DAB1: variants seen among roughly 807,000 people sequenced by gnomAD.
The protein encoded by DAB1 is DAB adaptor protein 1.
Under a neutral mutation model 64.6 loss-of-function variants are expected in DAB1, and 15 were observed. That is an observed-to-expected ratio of 0.23 (90% CI 0.16 to 0.36). The LOEUF (loss-of-function observed/expected upper bound fraction) is 0.36. Among genes scored for constraint, DAB1 ranks in the 10% least tolerant of loss-of-function variants. DAB1 has a pLI of 1.00. For missense variants in DAB1, 596 were observed against 706.7 expected (o/e 0.84, Z 1.78); for synonymous variants, 235 against 251.9 (o/e 0.93, Z 0.64).
chr1:57,642,867 C>G (rs1044257131), intron 7 of DAB1, among the ~76,000 whole-genome samples: 3 of 152,160 alleles, frequency 2.0e-5, no homozygotes. Context: ...TATCTCTAGA[C>G]TTTCTCCATG....
intron 3 of DAB1, among the ~76,000 whole-genome samples, chr1:58,444,053 CTTG>C (rs1360455438): frequency 5.3e-5 from 8 of 152,302 alleles, no homozygotes; most frequent in South Asian, 2.1e-4. Context: ...TAATTGCTGA[CTTG>C]TTGTTATTAC....
chr1:58,523,382 A>T (rs1244850137), intron 2 of DAB1, among the ~76,000 whole-genome samples: 5 of 152,178 alleles, frequency 3.3e-5, no homozygotes, highest in Non-Finnish European at 7.3e-5. Context: ...TCAGTGGTGT[A>T]AACCTTACAG....
At chr1:58,248,376 T>G (rs982066030) in intron 4 of DAB1, among the ~76,000 whole-genome samples, 1 of 152,202 alleles carries the variant, frequency 6.6e-6, no homozygotes. Flanking sequence ...ATGTCAGCAC[T>G]GCAGGGGATT....
At chr1:57,836,812 A>G (rs1276122083) in intron 1 of DAB1, among the ~76,000 whole-genome samples, 4 of 152,134 alleles carry the variant, frequency 2.6e-5, no homozygotes, top group African/African-American at 9.7e-5. Flanking sequence ...TCTCCCTACT[A>G]AAAAAGAAAA....
In DAB1 at chr1:57,748,217, C is replaced by A. The variant is rs1392294434; in HGVS notation, n.552-98552G>T. ...CTGGGCAACATCAAAGACCTTGCCC[C>A]AATACTAAACTTTGGTGCAGGTACA... On this transcript the variant is annotated intron_variant and non_coding_transcript_variant, in intron 6 of 20. Transcript: ENST00000485760. 6.6e-5 allele frequency among the ~76,000 whole-genome samples: 10 copies of A among 152,200 alleles called. No individual in the cohort carries two copies. In the East Asian group the frequency reaches 1.7e-3, roughly 27 times the overall value.
chr1:57,426,489 GT>G (rs1160890419), upstream of DAB1, among the ~76,000 whole-genome samples: 1 of 152,024 alleles, frequency 6.6e-6, no homozygotes, highest in Non-Finnish European at 1.5e-5. Flanking sequence ...ATAATTAGGG[GT>G]TTTTTTCTTT....
At position 56,994,915 on chromosome 1, in the gene DAB1, C is replaced by G. The variant is rs1645563528; in HGVS notation, c.*3229G>C. On this transcript the variant is annotated 3_prime_UTR_variant, in exon 15 of 15. Coordinates refer to ENST00000371236, the MANE Select transcript of DAB1 (RefSeq NM_001365792.1). ...AAAATAATGTGTCCATATATGTTAA[C>G]AAACTGTCATCTGAGGTAAAGTTAA... is the stretch of plus-strand genomic sequence containing the variant. 1 of 152,132 alleles carries G rather than the reference C, an allele frequency of 6.6e-6. No homozygotes were observed. 9.4% of individuals were successfully genotyped at this position (152,132 alleles called of 1,614,324 possible).
At chr1:58,331,763 C>T (rs1236025700) in intron 4 of DAB1, among the ~76,000 whole-genome samples, 4 of 152,190 alleles carry the variant, frequency 2.6e-5, no homozygotes, top group African/African-American at 9.6e-5. Context: ...TGCTATTGCA[C>T]ACTTAACAGA....
intron 6 of DAB1, among the ~76,000 whole-genome samples, chr1:57,661,037 A>C (rs1007418896): frequency 2.0e-5 from 3 of 152,214 alleles, no homozygotes; most frequent in Non-Finnish European, 4.4e-5. Flanking sequence ...CAAGTAAAGA[A>C]ATAGAAAACA....
At chr1:58,460,811 C>T (rs756489643) in intron 3 of DAB1, among the ~76,000 whole-genome samples, 1 of 152,116 alleles carries the variant, frequency 6.6e-6, no homozygotes, top group Non-Finnish European at 1.5e-5. Context: ...TGAAGGTTTA[C>T]TAAGATGCAA....
chr1:57,239,592 C>T (rs1214633474), intron 2 of DAB1, among the ~76,000 whole-genome samples: 1 of 152,166 alleles, frequency 6.6e-6, no homozygotes, highest in Non-Finnish European at 1.5e-5. Flanking sequence ...CAGCAAGAGG[C>T]CTCTCCATCT....
chr1:57,071,888 T>C (rs1049119800), intron 5 of DAB1, among the ~76,000 whole-genome samples: 19 of 152,302 alleles, frequency 1.2e-4, no homozygotes, highest in African/African-American at 3.8e-4. Flanking sequence ...CTTTTATTTA[T>C]TAGTGATTTA....
chr1:57,483,944 A>C (rs1404156811), intron 7 of DAB1, among the ~76,000 whole-genome samples: 1 of 152,196 alleles, frequency 6.6e-6, no homozygotes, highest in African/African-American at 2.4e-5. Flanking sequence ...TTAATAGGAA[A>C]ATCAACGAAT....
intron 7 of DAB1, among the ~76,000 whole-genome samples, chr1:57,553,505 G>GAAGGAAGGAAGGAAGAAAGA (rs57000232): frequency 5.8e-5 from 7 of 120,392 alleles, no homozygotes; most frequent in East Asian, 2.6e-4. Context: ...AGGAAGGAAG[G>GAAGGAAGGAAGGAAGAAAGA]AAGAGAGAGA....
intron 3 of DAB1, among the ~76,000 whole-genome samples, chr1:58,390,233 C>A (rs976810609): frequency 1.3e-5 from 2 of 152,134 alleles, no homozygotes; most frequent in Non-Finnish European, 1.5e-5. Flanking sequence ...TACCCCACCC[C>A]ACCCCTACCC....
chr1:57,544,738 A>C (rs1644837875), intron 7 of DAB1, among the ~76,000 whole-genome samples: 1 of 152,180 alleles, frequency 6.6e-6, no homozygotes, highest in Admixed American at 6.5e-5. Context: ...ATTCTCATTG[A>C]TAGTGAGTGA....
At chr1:58,310,727 G>T (rs1010687488) in intron 4 of DAB1, among the ~76,000 whole-genome samples, 7 of 152,098 alleles carry the variant, frequency 4.6e-5, no homozygotes, top group Non-Finnish European at 1.0e-4. Flanking sequence ...CTTGCCCACA[G>T]GTGTCATTTA....
At chr1:58,430,420 T>C (rs941189468) in intron 3 of DAB1, among the ~76,000 whole-genome samples, 12 of 151,822 alleles carry the variant, frequency 7.9e-5, no homozygotes, top group African/African-American at 2.7e-4. Flanking sequence ...GAGGGAAAAA[T>C]TGAAATACAT....
intron 1 of DAB1, among the ~76,000 whole-genome samples, chr1:57,378,126 C>A (rs1681056993): frequency 1.3e-5 from 2 of 152,174 alleles, no homozygotes; most frequent in Non-Finnish European, 2.9e-5. Context: ...TTTCTCAGAG[C>A]TCAGAGCAGG....
Sources: allele counts gnomAD v4.1 joint callset (sites outside exome capture counted in the v4.1 genomes callset), GRCh38; gene constraint gnomAD v4.1.1; transcripts MANE v1.5; gene names NCBI Gene and HGNC (gene_info 2026-07-23, HGNC 2026-07-21).